Variants in C2CD3 observed in about 807,000 individuals in gnomAD.
C2CD3 encodes C2 domain-containing protein 3.
C2CD3 carries 148 observed loss-of-function variants against 234.0 expected under a neutral mutation model. The observed-to-expected ratio is 0.63, with a 90% CI of 0.55 to 0.72. C2CD3 has a LOEUF of 0.72. Ranked by LOEUF, C2CD3 falls within the 30% of genes least tolerant of loss-of-function variation. C2CD3 has a pLI of 0.00. For synonymous variants in C2CD3, 1,000 were observed against 1,035.4 expected (o/e 0.97, Z 0.66); for missense variants, 2,577 against 2,811.5 (o/e 0.92, Z 1.89).
chr11:74,043,470 T>C (rs570737773), intron 28 of C2CD3, among the ~76,000 whole-genome samples: 90 of 152,240 alleles, frequency 5.9e-4, no homozygotes, highest in African/African-American at 1.8e-3. Context: ...TGTGTGGACA[T>C]TTGTTTTCAT....
intron 30 of C2CD3, among the ~76,000 whole-genome samples, chr11:74,035,236 C>G (rs114534527): frequency 6.6e-6 from 1 of 152,184 alleles, no homozygotes; most frequent in East Asian, 1.9e-4. Flanking sequence ...GGTAGATAGA[C>G]GAAAATGAAA....
intron 8 of C2CD3, among the ~76,000 whole-genome samples, chr11:74,121,607 T>A (rs1174757038): frequency 1.0e-3 from 53 of 50,622 alleles, no homozygotes; most frequent in Non-Finnish European, 1.3e-3. Flanking sequence ...AGACTCCGTC[T>A]CAAAAAAAAA....
chr11:74,079,914 A>G (rs1227321349), intron 22 of C2CD3, among the ~76,000 whole-genome samples: 1 of 152,142 alleles, frequency 6.6e-6, no homozygotes, highest in East Asian at 1.9e-4. Context: ...GATAGTAAAC[A>G]TTTTAGGCTT....
At chr11:74,040,700 G>A (rs1952994896) in intron 29 of C2CD3, among the ~76,000 whole-genome samples, 1 of 152,076 alleles carries the variant, frequency 6.6e-6, no homozygotes, top group East Asian at 1.9e-4. Flanking sequence ...AGGCTGCAGT[G>A]AGCCGAGATT....
At chr11:74,028,734 A>G (rs554412656) in intron 31 of C2CD3, among the ~76,000 whole-genome samples, 14 of 152,310 alleles carry the variant, frequency 9.2e-5, no homozygotes, top group Middle Eastern at 3.4e-3. Context: ...ATTTTCCTCA[A>G]TCTTCCCTAA....
intron 24 of C2CD3, among the ~76,000 whole-genome samples, chr11:74,066,145 T>G (rs1039225921): frequency 6.6e-6 from 1 of 150,754 alleles, no homozygotes; most frequent in African/African-American, 2.4e-5. Context: ...GTGTCCTTTG[T>G]AGGTACATGG....
At chr11:74,170,626 T>G (rs1857120018) in intron 1 of C2CD3, 112 bp downstream of exon 1, 5 of 1,277,550 alleles carry the variant, frequency 3.9e-6, no homozygotes, top group Non-Finnish European at 5.6e-6. Flanking sequence ...CCTGGCTACT[T>G]CCTTCTTACG....
In C2CD3 at chr11:74,090,936, C is replaced by T. The variant is rs1434822139; in HGVS notation, c.3518G>A (p.Gly1173Asp). 4 of 1,613,346 alleles carry T rather than the reference C, an allele frequency of 2.5e-6. No individual in the cohort carries two copies. Among genetic ancestry groups the T allele is most frequent in the Admixed American group, 1.7e-5 (1 of 59,910 alleles). The change falls in exon 20 of 33, where the codon GGT (glycine) becomes GAT (aspartate). Residue 1173 changes from glycine to aspartate, a missense_variant and splice_region_variant. Coordinates refer to ENST00000334126, the MANE Select transcript of C2CD3 (RefSeq NM_001286577.2). ...GTACCTTAGGCCCACATCCAGTAAACCTGAAGAATGAGGACACAAGGAAAG... is the reference window on the plus strand; with the variant it reads ...GTACCTTAGGCCCACATCCAGTAAATCTGAAGAATGAGGACACAAGGAAAG... ...NRKELRNQSS[G>D]LLDVGLRYRR...
chr11:74,068,253 T>A (rs1363343729), intron 24 of C2CD3, among the ~76,000 whole-genome samples: 1 of 152,192 alleles, frequency 6.6e-6, no homozygotes. Context: ...CCCATTTTCC[T>A]TTTTCGGTCT....
intron 29 of C2CD3, among the ~76,000 whole-genome samples, chr11:74,041,572 T>C (rs1014128877): frequency 2.0e-5 from 3 of 152,218 alleles, no homozygotes; most frequent in African/African-American, 7.2e-5. Context: ...TATCTGACCC[T>C]GAAGCCATGT....
At chr11:74,049,243 T>C (rs1024208657) in intron 27 of C2CD3, 94 bp downstream of exon 27, 2 of 1,027,970 alleles carry the variant, frequency 1.9e-6, no homozygotes, top group African/African-American at 1.6e-5. Flanking sequence ...ATATAACGTA[T>C]TCTATAAGCC....
chr11:74,074,777 C>A (rs1257044121), intron 23 of C2CD3, among the ~76,000 whole-genome samples, 177 bp from the exon 24 acceptor site: 2 of 152,150 alleles, frequency 1.3e-5, no homozygotes, highest in Non-Finnish European at 2.9e-5. Context: ...TTTTACCCTG[C>A]CCTAACTATC....
chr11:74,144,010 G>A (rs1307449802), intron 3 of C2CD3, among the ~76,000 whole-genome samples: 2 of 152,182 alleles, frequency 1.3e-5, no homozygotes, highest in Non-Finnish European at 2.9e-5. Flanking sequence ...ATTAATATGT[G>A]TAGAGTTGTT....
intron 7 of C2CD3, chr11:74,129,832 T>G (rs1299547428): frequency 3.8e-5 from 7 of 185,156 alleles, no homozygotes; most frequent in Non-Finnish European, 4.3e-5. Context: ...CGGCACCTCG[T>G]GAGGCCGAGG....
chr11:74,089,224 G>A (rs951948680), intron 20 of C2CD3, among the ~76,000 whole-genome samples: 1 of 152,050 alleles, frequency 6.6e-6, no homozygotes, highest in Non-Finnish European at 1.5e-5. Context: ...TCTCAGTGAT[G>A]GGATCTGTAC....
chr11:74,168,258 T>C (rs886754091), intron 2 of C2CD3, 86 bp downstream of exon 2: 6 of 1,065,626 alleles, frequency 5.6e-6, no homozygotes, highest in Non-Finnish European at 8.5e-6. Flanking sequence ...CCATATATGC[T>C]AGGTACACAA....
chr11:74,067,024 G>T (rs541324420), intron 24 of C2CD3, among the ~76,000 whole-genome samples: 232 of 152,208 alleles, frequency 1.5e-3, no homozygotes, highest in Middle Eastern at 0.01. Context: ...AACCATATTT[G>T]TATCTGAAAT....
intron 3 of C2CD3, among the ~76,000 whole-genome samples, chr11:74,157,365 G>C (rs1856104208): frequency 6.6e-6 from 1 of 152,124 alleles, no homozygotes; most frequent in Non-Finnish European, 1.5e-5. Context: ...GAAACATAAT[G>C]CCAAACTGTC....
chr11:74,109,351 C>T, intron 11 of C2CD3, 199 bp from the exon 12 acceptor site: 1 of 497,368 alleles, frequency 2.0e-6, no homozygotes, highest in Non-Finnish European at 3.5e-6. Context: ...GGAGATAGTA[C>T]ACAGAAGACA....
Sources: gnomAD v4.1 joint callset for allele counts (sites outside exome capture counted in the v4.1 genomes callset) on GRCh38, gnomAD v4.1.1 for gene constraint, MANE v1.5 for transcripts, NCBI Gene and HGNC (gene_info 2026-07-23, HGNC 2026-07-21) for gene names.